PTPRD: variants seen among roughly 807,000 people sequenced by gnomAD.
The protein encoded by PTPRD is protein tyrosine phosphatase receptor type D, also known as receptor-type tyrosine-protein phosphatase delta.
In PTPRD, 34 loss-of-function variants were observed where a neutral mutation model predicts 214.5. That is an observed-to-expected ratio of 0.16 (90% CI 0.12 to 0.21). The LOEUF is 0.21. Ranked by LOEUF, PTPRD falls within the 10% of genes least tolerant of loss-of-function variation. PTPRD has a pLI of 1.00. For missense variants in PTPRD, 2,545 were observed against 2,398.7 expected, an observed-to-expected ratio of 1.06 and a Z score of -1.27; for synonymous variants, 1,128 against 845.7, an observed-to-expected ratio of 1.33 and a Z score of -5.79.
At chr9:9,266,979 A>C (rs1161034695) in intron 9 of PTPRD, among the ~76,000 whole-genome samples, 2 of 151,340 alleles carry the variant, frequency 1.3e-5, no homozygotes, top group Non-Finnish European at 3.0e-5. Flanking sequence ...GAGACTACAA[A>C]AAATTAGAAA....
At chr9:8,677,034 G>T (rs1040209821) in intron 12 of PTPRD, among the ~76,000 whole-genome samples, 54 of 152,102 alleles carry the variant, frequency 3.6e-4, no homozygotes, top group African/African-American at 1.3e-3. Flanking sequence ...AGCCATAATG[G>T]ACAAAGACAT....
chr9:9,677,607 G>A (rs200382806), intron 7 of PTPRD, among the ~76,000 whole-genome samples: 4 of 152,040 alleles, frequency 2.6e-5, no homozygotes, highest in East Asian at 3.9e-4. Flanking sequence ...CCCACAGCCA[G>A]TATCATACTG....
chr9:9,410,215 C>A (rs996160518), intron 8 of PTPRD, among the ~76,000 whole-genome samples: 1 of 152,098 alleles, frequency 6.6e-6, no homozygotes, highest in African/African-American at 2.4e-5. Flanking sequence ...TGCATTCAGT[C>A]CATATGGTAT....
At chr9:9,780,921 G>C (rs1318137614) in intron 5 of PTPRD, among the ~76,000 whole-genome samples, 2 of 152,194 alleles carry the variant, frequency 1.3e-5, no homozygotes, top group East Asian at 3.8e-4. Flanking sequence ...CTGAGTGAAA[G>C]AGGCCAGTCT....
At chr9:8,797,391 TC>T (rs1272595887) in intron 11 of PTPRD, among the ~76,000 whole-genome samples, 2 of 152,196 alleles carry the variant, frequency 1.3e-5, no homozygotes, top group African/African-American at 2.4e-5. Flanking sequence ...TCCAAAGCTA[TC>T]AAATAGATTG....
chr9:8,522,428 G>A (rs1281757990), intron 19 of PTPRD, among the ~76,000 whole-genome samples: 1 of 152,150 alleles, frequency 6.6e-6, no homozygotes, highest in Non-Finnish European at 1.5e-5. Flanking sequence ...GGTAAGGATT[G>A]CAAATTCAGA....
chr9:10,465,402 T>A (rs568567192), intron 2 of PTPRD, among the ~76,000 whole-genome samples: 1 of 152,186 alleles, frequency 6.6e-6, no homozygotes, highest in Non-Finnish European at 1.5e-5. Context: ...TATAATGAAC[T>A]GGGGTCGCTC....
chr9:9,148,715 C>T (rs1166167074), intron 10 of PTPRD, among the ~76,000 whole-genome samples: 2 of 152,098 alleles, frequency 1.3e-5, no homozygotes, highest in South Asian at 2.1e-4. Flanking sequence ...TAAAGAAAAC[C>T]CTTTAATGGC....
chr9:8,603,458 C>T (rs981272803), intron 14 of PTPRD, among the ~76,000 whole-genome samples: 1 of 152,160 alleles, frequency 6.6e-6, no homozygotes, highest in African/African-American at 2.4e-5. Context: ...CTTTGTAACA[C>T]TGGAGCTACA....
chr9:10,570,902 G>A (rs1043626209), intron 2 of PTPRD, among the ~76,000 whole-genome samples: 1 of 150,696 alleles, frequency 6.6e-6, no homozygotes, highest in African/African-American at 2.4e-5. Flanking sequence ...TTTGTACAGG[G>A]TTACTATTCT....
intron 9 of PTPRD, among the ~76,000 whole-genome samples, chr9:9,292,557 T>G (rs1951532288): frequency 6.6e-6 from 1 of 151,526 alleles, no homozygotes; most frequent in Non-Finnish European, 1.5e-5. Flanking sequence ...AACTAACATC[T>G]TACATTAGTA....
intron 4 of PTPRD, among the ~76,000 whole-genome samples, chr9:9,969,539 G>A (rs73404552): frequency 0.027 from 4,144 of 152,250 alleles, 186 homozygotes; most frequent in African/African-American, 0.093. Flanking sequence ...AAAGATTTAA[G>A]GAGTCACTTT....
At chr9:8,884,455 A>G (rs1460090148) in intron 11 of PTPRD, among the ~76,000 whole-genome samples, 1 of 152,208 alleles carries the variant, frequency 6.6e-6, no homozygotes, top group Non-Finnish European at 1.5e-5. Flanking sequence ...AAATCTAAAT[A>G]ATTCAAGAGA....
intron 9 of PTPRD, among the ~76,000 whole-genome samples, chr9:9,383,391 A>G (rs556327582): frequency 2.0e-5 from 3 of 152,244 alleles, no homozygotes; most frequent in South Asian, 2.1e-4. Context: ...ATACAAGTTC[A>G]CCATGTTATA....
chr9:9,264,873 G>A, intron 9 of PTPRD, among the ~76,000 whole-genome samples: 1 of 147,582 alleles, frequency 6.8e-6, no homozygotes. Flanking sequence ...GGAGAAAGTG[G>A]AATGACGTAT....
At chr9:9,015,485 T>C (rs188235076) in intron 11 of PTPRD, among the ~76,000 whole-genome samples, 32 of 152,274 alleles carry the variant, frequency 2.1e-4, no homozygotes, top group African/African-American at 7.7e-4. Flanking sequence ...GCATGAATAA[T>C]CCACTCCTTG....
At chr9:10,195,573 T>C (rs889093099) in intron 3 of PTPRD, among the ~76,000 whole-genome samples, 1 of 152,210 alleles carries the variant, frequency 6.6e-6, no homozygotes, top group Non-Finnish European at 1.5e-5. Flanking sequence ...CCAGACGCCG[T>C]GGCTCACGCC....
chr9:9,022,853 AGCC>A (rs2099574626), intron 10 of PTPRD, among the ~76,000 whole-genome samples: 1 of 152,188 alleles, frequency 6.6e-6, no homozygotes, highest in Non-Finnish European at 1.5e-5. Context: ...CGTAGAGATC[AGCC>A]ACAGAAACAG....
intron 7 of PTPRD, among the ~76,000 whole-genome samples, chr9:9,612,433 G>T (rs1264260198): frequency 1.3e-5 from 2 of 152,134 alleles, no homozygotes; most frequent in African/African-American, 4.8e-5. Flanking sequence ...ACTGTGATAG[G>T]CTCCATCTGC....
Sources: gnomAD v4.1 joint callset for allele counts (sites outside exome capture counted in the v4.1 genomes callset) on GRCh38, gnomAD v4.1.1 for gene constraint, MANE v1.5 for transcripts, NCBI Gene and HGNC (gene_info 2026-07-23, HGNC 2026-07-21) for gene names.